Variants in TMEM94 observed in about 807,000 individuals in gnomAD.
TMEM94 encodes the protein ER Mg2+ ATPase.
Under a neutral mutation model 158.6 loss-of-function variants are expected in TMEM94, and 81 were observed. The observed-to-expected ratio is 0.51, with a 90% CI of 0.43 to 0.61. The LOEUF is 0.61. Among genes scored for constraint, TMEM94 ranks in the 20% least tolerant of loss-of-function variants. The pLI, the probability that TMEM94 is intolerant of heterozygous loss-of-function variation, is 0.00. For missense variants in TMEM94, 1,435 were observed against 1,762.0 expected, an observed-to-expected ratio of 0.81 and a Z score of 3.32; for synonymous variants, 751 against 730.7, an observed-to-expected ratio of 1.03 and a Z score of -0.45.
chr17:75,497,816 T>C lies in TMEM94; in HGVS notation c.3443T>C (p.Ile1148Thr), dbSNP rs1465833139. ...SLLGKPPHSS[I>T]MSMATGKNLQ... is the part of the protein sequence containing the mutation. ...CTGGGGAAGCCCCCCCATAGCTCCA[T>C]CATGTCTATGGCAACGGGGAAAAAC... The change falls in exon 27 of 32, where the codon ATC (isoleucine) becomes ACC (threonine). Residue 1148 changes from isoleucine (I) to threonine (T), a missense_variant. By Grantham distance (89) the Ile-to-Thr change is moderately conservative (BLOSUM62 -1). Transcript: ENST00000314256. 3 of 1,613,938 alleles carry C rather than the reference T, an allele frequency of 1.9e-6. No homozygotes were observed. Among genetic ancestry groups the C allele is most frequent in the Non-Finnish European group, 2.5e-6 (3 of 1,179,970 alleles).
intron 1 of TMEM94, among the ~76,000 whole-genome samples, chr17:75,470,622 G>A (rs965320676): frequency 1.3e-5 from 2 of 151,806 alleles, no homozygotes; most frequent in Non-Finnish European, 1.5e-5. Context: ...GGAGAATGGC[G>A]TGAACCCGGG....
rs1192793409 is a variant in TMEM94 at position 75,500,447 on chromosome 17, A to C, written c.*1113A>C. 1 of 152,820 alleles carries C rather than the reference A, an allele frequency of 6.5e-6. No homozygotes were observed. The highest frequency in any genetic ancestry group is 1.5e-5 in the Non-Finnish European group (1 of 68,480). 9.5% of individuals were successfully genotyped at this position (152,820 alleles called of 1,614,324 possible). On this transcript the variant is annotated 3_prime_UTR_variant, in exon 32 of 32. Coordinates refer to ENST00000314256, the MANE Select transcript of TMEM94 (RefSeq NM_014738.6). ...AGTTGATAGAATAAATTCCATTTAAAATATATGCATTTCTCTCTGCTTAGA... is the reference window on the plus strand; with the variant it reads ...AGTTGATAGAATAAATTCCATTTAACATATATGCATTTCTCTCTGCTTAGA...
chr17:75,498,744 G>A lies in TMEM94; in HGVS notation c.3827+22G>A. The A allele has an allele frequency of 6.5e-7, 1 of 1,539,980 alleles. No homozygotes were observed. The highest frequency in any genetic ancestry group is 8.8e-7 in the Non-Finnish European group (1 of 1,141,594). Reference sequence around the variant, plus strand: ...TGGTGTGAGTATTGCTAGGATGGAGGGCGGAGTGTGGGCTGGGGAGGAGAG... The same window carrying A: ...TGGTGTGAGTATTGCTAGGATGGAGAGCGGAGTGTGGGCTGGGGAGGAGAG... On this transcript the variant is annotated intron_variant, in intron 30 of 31. Transcript: ENST00000314256. This position sits in a 1 kb window ranked among gnomAD's most constrained non-coding sequence, Gnocchi z 6.7.
At chr17:75,460,376 A>T (rs988837723) in intron 1 of TMEM94, among the ~76,000 whole-genome samples, 4 of 152,196 alleles carry the variant, frequency 2.6e-5, no homozygotes, top group African/African-American at 9.7e-5. Flanking sequence ...GGAAACACTT[A>T]AAAAAGATGT....
In TMEM94 at chr17:75,495,215, C is replaced by G. The variant is rs1401818687; in HGVS notation, c.2729-69C>G. 20 of 1,425,558 alleles carry G rather than the reference C, an allele frequency of 1.4e-5. No homozygotes were observed. The highest frequency in any genetic ancestry group is 1.3e-4 in the Admixed American group (6 of 46,178). The allele number at this position is 1,425,558 out of a possible 1,614,324, so 88.3% of individuals were successfully genotyped here. On this transcript the variant is annotated intron_variant, in intron 20 of 31. Coordinates refer to ENST00000314256, the MANE Select transcript of TMEM94 (RefSeq NM_014738.6). The surrounding 1 kb of genome is among the most constrained non-coding windows in gnomAD (Gnocchi z 5.6). ...AAGGAGTGGACACAGGCAAAAAATTCTCTGCAGGGCAAGGACAGGTTCCCA... is the reference window on the plus strand; with the variant it reads ...AAGGAGTGGACACAGGCAAAAAATTGTCTGCAGGGCAAGGACAGGTTCCCA...
intron 18 of TMEM94, among the ~76,000 whole-genome samples, chr17:75,494,186 T>G (rs1443573218): frequency 6.6e-6 from 1 of 152,190 alleles, no homozygotes; most frequent in East Asian, 1.9e-4. Flanking sequence ...AATGCTTTCC[T>G]GGGAAGTTAC....
intron 2 of TMEM94, among the ~76,000 whole-genome samples, chr17:75,473,850 C>T (rs1044628156): frequency 2.6e-5 from 4 of 152,168 alleles, no homozygotes; most frequent in African/African-American, 9.7e-5. Context: ...CACAGTGGCT[C>T]ACGTCTGTAA....
In TMEM94 at chr17:75,498,727, G is replaced by A; in HGVS notation, c.3827+5G>A. The stretch of plus-strand genomic sequence containing the variant: ...GGCCGTGACAGTGCCTGTGGTGTGA[G>A]TATTGCTAGGATGGAGGGCGGAGTG... On this transcript the variant is annotated splice_donor_5th_base_variant and intron_variant, in intron 30 of 31. Transcript: ENST00000314256. The surrounding 1 kb of genome is among the most constrained non-coding windows in gnomAD (Gnocchi z 6.7). The A allele has an allele frequency of 6.4e-7, 1 of 1,550,828 alleles. No homozygotes were observed. The highest frequency in any genetic ancestry group is 8.7e-7 in the Non-Finnish European group (1 of 1,146,904).
At chr17:75,494,840 ACT>A (rs772607900) in intron 19 of TMEM94, 32 bp downstream of exon 19, 6 of 1,611,586 alleles carry the variant, frequency 3.7e-6, no homozygotes, top group African/African-American at 2.7e-5. Flanking sequence ...GCCACCACTA[ACT>A]CTGTTTCCAC....
At position 75,467,681 on chromosome 17, in the gene TMEM94, C is replaced by T. The variant is rs377545884; in HGVS notation, c.-106-4119C>T. 6.8e-3 allele frequency among the ~76,000 whole-genome samples: 1,022 copies of T among 151,154 alleles called. 3 individuals are homozygous for T. Among genetic ancestry groups the T allele is most frequent in the Non-Finnish European group, 0.012 (815 of 67,762 alleles). On this transcript the variant is annotated intron_variant, in intron 1 of 31. Transcript: ENST00000314256. The stretch of plus-strand genomic sequence containing the variant: ...CCGAGTAGCTGGGACTACAGGCGCC[C>T]GCCACCGCGCCCGGCTAATTTTTTG...
At chr17:75,482,633 C>T (rs937955349) in intron 2 of TMEM94, among the ~76,000 whole-genome samples, 1 of 152,180 alleles carries the variant, frequency 6.6e-6, no homozygotes, top group African/African-American at 2.4e-5. Flanking sequence ...GGAGCCTAGA[C>T]ATCCACCACA....
At position 75,471,844 on chromosome 17, in the gene TMEM94, G is replaced by A; in HGVS notation, c.-62G>A. The A allele has an allele frequency of 6.3e-7, 1 of 1,578,000 alleles. No homozygotes were observed. The highest frequency in any genetic ancestry group is 8.7e-7 in the Non-Finnish European group (1 of 1,147,876). ...CTCACTGGGGTTTGTACATGCTGGG[G>A]AGGAGCCTTCCTTTCAGGGGTGACC... On this transcript the variant is annotated 5_prime_UTR_variant, in exon 2 of 32. Coordinates refer to ENST00000314256, the MANE Select transcript of TMEM94 (RefSeq NM_014738.6).
intron 1 of TMEM94, among the ~76,000 whole-genome samples, chr17:75,466,908 A>G (rs1358405853): frequency 2.6e-5 from 4 of 151,978 alleles, no homozygotes; most frequent in African/African-American, 9.7e-5. Flanking sequence ...CATTTATTTA[A>G]GTCTTCTTTA....
In TMEM94 at chr17:75,491,962, TGGCCAGCCTGGCCTCACA is replaced by T; in HGVS notation, c.1596+63_1596+80del. 6.8e-7 allele frequency: 1 copy of T among 1,463,816 alleles called. No homozygotes were observed. The allele number at this position is 1,463,816 out of a possible 1,614,324, so 90.7% of individuals were successfully genotyped here. A position where few individuals can be genotyped will look rare whatever the true frequency, so the allele number is the denominator to read the frequency against. ...CGGCCACAGGCTGTCCTGGCCTCCC[TGGCCAGCCTGGCCTCACA>T]AGGTCTGAAAGAGCAGGCGTCTCTG... On this transcript the variant is annotated intron_variant, in intron 14 of 31. Coordinates refer to ENST00000314256, the MANE Select transcript of TMEM94 (RefSeq NM_014738.6). This position sits in a 1 kb window ranked among gnomAD's most constrained non-coding sequence, Gnocchi z 5.1.
intron 25 of TMEM94, 121 bp downstream of exon 25, chr17:75,496,928 C>T: frequency 8.7e-7 from 1 of 1,153,742 alleles, no homozygotes; most frequent in Non-Finnish European, 1.3e-6. Flanking sequence ...CCCCCAGAGC[C>T]TCTGTGAAGC....
rs946903720 is a variant in TMEM94, at chr17:75,491,560, G to A, written c.1386+105G>A. 12 of 1,580,208 alleles carry A rather than the reference G, an allele frequency of 7.6e-6. No homozygotes were observed. The South Asian group carries it at 7.9e-5, about 10-fold the overall frequency. On this transcript the variant is annotated intron_variant, in intron 13 of 31. Transcript: ENST00000314256. The surrounding 1 kb of genome is among the most constrained non-coding windows in gnomAD (Gnocchi z 5.1). ...GTGAGGTTTCGGAGGGCGAAGGAGG[G>A]TTTGGGCACCATTAGGATCTGCTTC... is the stretch of plus-strand genomic sequence containing the variant.
At chr17:75,496,644 C>G in intron 24 of TMEM94, 86 bp from the exon 25 acceptor site, 1 of 1,467,132 alleles carries the variant, frequency 6.8e-7, no homozygotes, top group Non-Finnish European at 9.5e-7. Context: ...TCCTGGGCGT[C>G]TGGCTCTTGG....
chr17:75,471,965 G>A (rs750415211), intron 2 of TMEM94, 36 bp downstream of exon 2: 102 of 1,607,594 alleles, frequency 6.3e-5, no homozygotes, highest in Non-Finnish European at 8.3e-5. Flanking sequence ...GGTATTGTCT[G>A]TGTGTCTCTG....
chr17:75,492,008 C>T lies in TMEM94; in HGVS notation c.1596+108C>T, dbSNP rs1031455491. 15 of 1,170,812 alleles carry T rather than the reference C, an allele frequency of 1.3e-5. No individual in the cohort carries two copies. The African/African-American group carries it at 1.8e-4, about 14-fold the overall frequency. 72.5% of individuals were successfully genotyped at this position (1,170,812 alleles called of 1,614,324 possible). On this transcript the variant is annotated intron_variant, in intron 14 of 31. Coordinates refer to ENST00000314256, the MANE Select transcript of TMEM94 (RefSeq NM_014738.6). The surrounding 1 kb of genome is among the most constrained non-coding windows in gnomAD (Gnocchi z 4.4). ...GTCTGAAAGAGCAGGCGTCTCTGCCCTCTGTCCCAGCACCTCCAGGCTAGG... is the reference window on the plus strand; with the variant it reads ...GTCTGAAAGAGCAGGCGTCTCTGCCTTCTGTCCCAGCACCTCCAGGCTAGG...
Sources: allele counts gnomAD v4.1 joint callset (sites outside exome capture counted in the v4.1 genomes callset), GRCh38; gene constraint gnomAD v4.1.1; non-coding constraint Gnocchi (gnomAD v3.1); transcripts MANE v1.5; gene names NCBI Gene and HGNC (gene_info 2026-07-23, HGNC 2026-07-21).